Variants in TOX observed in about 807,000 individuals in gnomAD.
TOX encodes thymocyte selection-associated high mobility group box protein TOX.
Under a neutral mutation model 53.7 loss-of-function variants are expected in TOX, and 11 were observed. The ratio of observed to expected loss-of-function variants is 0.20; its 90% CI spans 0.13 to 0.34. The LOEUF (loss-of-function observed/expected upper bound fraction) is 0.34, where lower values mean the gene tolerates loss of function less well. Among genes scored for constraint, TOX ranks in the 10% least tolerant of loss-of-function variants. The pLI is 1.00. For missense variants in TOX, 570 were observed against 664.6 expected (o/e 0.86, Z 1.56); for synonymous variants, 225 against 245.3 (o/e 0.92, Z 0.77).
chr8:58,976,662 C>A (rs896909645), intron 1 of TOX, among the ~76,000 whole-genome samples: 1 of 152,210 alleles, frequency 6.6e-6, no homozygotes, highest in Non-Finnish European at 1.5e-5. Context: ...CACCTATAAT[C>A]TTACAAAATG....
At position 58,938,094 on chromosome 8, in the gene TOX, G is replaced by T. The variant is rs141425149; in HGVS notation, c.411+1208C>A. On this transcript the variant is annotated intron_variant, in intron 3 of 8. Coordinates refer to ENST00000361421, the MANE Select transcript of TOX (RefSeq NM_014729.3). ...TCCCCTCTTGGCTGCCCAGATGGCT[G>T]CCAGATTTTAGGAAAATTCTATACA... is the stretch of plus-strand genomic sequence containing the variant. Among the ~76,000 whole-genome samples the T allele has an allele frequency of 2.0e-5, 3 of 152,226 alleles. No individual in the cohort carries two copies. The East Asian group carries it at 5.8e-4, about 29-fold the overall frequency.
intron 1 of TOX, among the ~76,000 whole-genome samples, chr8:59,066,175 T>C (rs1486791664): frequency 6.6e-6 from 1 of 152,226 alleles, no homozygotes; most frequent in Non-Finnish European, 1.5e-5. Context: ...AAGCATTAAA[T>C]GGCATAGTTG....
chr8:58,857,904 G>A (rs1563371703), intron 3 of TOX, among the ~76,000 whole-genome samples: 1 of 152,022 alleles, frequency 6.6e-6, no homozygotes, highest in East Asian at 1.9e-4. Context: ...TGAGTAGTTG[G>A]GATTACAGGC....
intron 1 of TOX, among the ~76,000 whole-genome samples, chr8:59,084,493 G>A (rs893911326): frequency 2.6e-5 from 4 of 152,042 alleles, no homozygotes; most frequent in Non-Finnish European, 5.9e-5. Context: ...CTAATAATTC[G>A]TAGGTAATAA....
intron 1 of TOX, among the ~76,000 whole-genome samples, chr8:59,062,992 T>C (rs1804014977): frequency 6.6e-6 from 1 of 152,342 alleles, no homozygotes; most frequent in East Asian, 1.9e-4. Context: ...AAAAAGTTTA[T>C]ACATTTATTC....
chr8:58,853,864 G>A (rs927187188), intron 3 of TOX, among the ~76,000 whole-genome samples: 1 of 152,172 alleles, frequency 6.6e-6, no homozygotes, highest in South Asian at 2.1e-4. Flanking sequence ...GCCAAGGACA[G>A]AGGGTACCAT....
At chr8:58,972,843 A>C (rs1563405519) in intron 1 of TOX, among the ~76,000 whole-genome samples, 1 of 152,218 alleles carries the variant, frequency 6.6e-6, no homozygotes, top group Non-Finnish European at 1.5e-5. Flanking sequence ...CCATTAAGTA[A>C]ATTAATGTTA....
intron 1 of TOX, among the ~76,000 whole-genome samples, chr8:59,048,136 C>T (rs1402213883): frequency 6.6e-6 from 1 of 152,172 alleles, no homozygotes; most frequent in Non-Finnish European, 1.5e-5. Flanking sequence ...TGGCCATGAT[C>T]CCAAAGGCCC....
intron 1 of TOX, among the ~76,000 whole-genome samples, chr8:58,960,929 C>G (rs1367366998): frequency 6.6e-6 from 1 of 152,140 alleles, no homozygotes; most frequent in East Asian, 1.9e-4. Context: ...TGGATGAACA[C>G]AATAACTTCA....
chr8:59,083,029 G>A (rs974786860), intron 1 of TOX, among the ~76,000 whole-genome samples: 3 of 152,166 alleles, frequency 2.0e-5, no homozygotes, highest in East Asian at 3.8e-4. Context: ...TCTGTCGTGA[G>A]GGAGTGTGAG....
intron 2 of TOX, 25 bp from the exon 3 acceptor site, chr8:58,939,569 G>T: frequency 1.3e-6 from 2 of 1,587,250 alleles, no homozygotes; most frequent in Non-Finnish European, 1.7e-6. Flanking sequence ...AAGTGACATT[G>T]TTGCAAATTA....
chr8:58,840,786 GTCGA>G (rs1563367168), intron 4 of TOX, among the ~76,000 whole-genome samples: 2 of 152,054 alleles, frequency 1.3e-5, no homozygotes, highest in Non-Finnish European at 2.9e-5. Flanking sequence ...GTGCTTTCCT[GTCGA>G]TTAGCTCTCA....
chr8:59,088,285 A>C (rs1176551699), intron 1 of TOX, among the ~76,000 whole-genome samples: 1 of 152,216 alleles, frequency 6.6e-6, no homozygotes, highest in Non-Finnish European at 1.5e-5. Context: ...TCAGCTCACT[A>C]TCTCAATCAA....
intron 3 of TOX, among the ~76,000 whole-genome samples, chr8:58,887,376 G>T (rs1243854172): frequency 6.6e-6 from 1 of 151,832 alleles, no homozygotes; most frequent in Non-Finnish European, 1.5e-5. Context: ...GTTTTTGAGA[G>T]TTTTAAATAT....
intron 1 of TOX, among the ~76,000 whole-genome samples, chr8:59,015,043 C>T (rs183992359): frequency 8.5e-5 from 13 of 152,278 alleles, no homozygotes; most frequent in Non-Finnish European, 1.9e-4. Flanking sequence ...ATTTTATTAA[C>T]CTGTACATCT....
At chr8:59,000,215 A>G (rs78821909) in intron 1 of TOX, among the ~76,000 whole-genome samples, 1 of 152,310 alleles carries the variant, frequency 6.6e-6, no homozygotes, top group African/African-American at 2.4e-5. Flanking sequence ...TCTTACAGAT[A>G]ATAGCTGAAG....
At chr8:58,873,483 T>G (rs1367663299) in intron 3 of TOX, among the ~76,000 whole-genome samples, 1 of 152,106 alleles carries the variant, frequency 6.6e-6, no homozygotes, top group Non-Finnish European at 1.5e-5. Context: ...AAACAGTCAG[T>G]TGGTGCCTTG....
At chr8:58,863,945 A>AATT (rs1412284555) in intron 3 of TOX, among the ~76,000 whole-genome samples, 1 of 151,984 alleles carries the variant, frequency 6.6e-6, no homozygotes, top group East Asian at 1.9e-4. Context: ...TCTGCATTGC[A>AATT]TTAAAATTGC....
intron 3 of TOX, among the ~76,000 whole-genome samples, chr8:58,878,920 G>A (rs760311021): frequency 3.9e-5 from 6 of 152,090 alleles, no homozygotes; most frequent in Non-Finnish European, 7.4e-5. Context: ...AATTAGCCAG[G>A]TGTGGTGGCG....
Sources: allele counts gnomAD v4.1 joint callset (sites outside exome capture counted in the v4.1 genomes callset), GRCh38; gene constraint gnomAD v4.1.1; transcripts MANE v1.5; gene names NCBI Gene and HGNC (gene_info 2026-07-23, HGNC 2026-07-21).